PCSK5: variants seen among roughly 807,000 people sequenced by gnomAD.
PCSK5 encodes proprotein convertase subtilisin/kexin type 5.
PCSK5 carries 129 observed loss-of-function variants against 233.2 expected under a neutral mutation model. The observed-to-expected ratio is 0.55, with a 90% confidence interval of 0.48 to 0.64. The LOEUF (loss-of-function observed/expected upper bound fraction) is 0.64, where lower values mean the gene tolerates loss of function less well. Ranked by LOEUF, PCSK5 falls within the 30% of genes least tolerant of loss-of-function variation. The probability of loss-of-function intolerance (pLI) is 0.00; values close to 1 mark genes in which losing one functional copy is unlikely to be tolerated. For missense variants in PCSK5, 2,076 were observed against 2,430.1 expected, an observed-to-expected ratio of 0.85 and a Z score of 3.06; for synonymous variants, 825 against 879.2, an observed-to-expected ratio of 0.94 and a Z score of 1.09.
At chr9:75,933,125 C>T (rs1253370081) in intron 2 of PCSK5, among the ~76,000 whole-genome samples, 1 of 152,042 alleles carries the variant, frequency 6.6e-6, no homozygotes, top group Non-Finnish European at 1.5e-5. Context: ...TAGGTTCTCC[C>T]GTTTTAGAGA....
rs143606869 is a variant in PCSK5 at position 76,259,811 on chromosome 9, A to G, written c.3142+19127A>G. On this transcript the variant is annotated intron_variant, in intron 24 of 37. Coordinates refer to ENST00000674117, the MANE Select transcript of PCSK5 (RefSeq NM_001372043.1). ...CCCTTGTGGAGCATGGAAGAGCCATACTTCAGTCTCAGGGCTCACCTCAGG... is the reference window on the plus strand; with the variant it reads ...CCCTTGTGGAGCATGGAAGAGCCATGCTTCAGTCTCAGGGCTCACCTCAGG... 6.7e-3 allele frequency among the ~76,000 whole-genome samples: 1,013 copies of G among 152,134 alleles called. 6 individuals are homozygous for G. The highest frequency in any genetic ancestry group is 9.4e-3 in the Non-Finnish European group (642 of 67,988).
chr9:76,223,155 A>G (rs1825784361), intron 20 of PCSK5, among the ~76,000 whole-genome samples: 1 of 152,232 alleles, frequency 6.6e-6, no homozygotes, highest in Admixed American at 6.5e-5. Flanking sequence ...CATCTTGCTA[A>G]AAAGTTTTTA....
rs775508326 is a variant in PCSK5 at position 76,181,382 on chromosome 9, T to C, written c.2004-16T>C. 6.2e-7 allele frequency: 1 copy of C among 1,605,102 alleles called. No individual in the cohort carries two copies. The highest frequency in any genetic ancestry group is 1.1e-5 in the South Asian group (1 of 89,926). On this transcript the variant is annotated splice_polypyrimidine_tract_variant and intron_variant, in intron 15 of 37. Transcript: ENST00000674117. ...GCTCATGACGCTGCCTTCTTTCTTA[T>C]TGTTTCACAATGCAGGATCTGTGTC... is the stretch of plus-strand genomic sequence containing the variant.
intron 2 of PCSK5, among the ~76,000 whole-genome samples, chr9:75,957,828 T>C (rs548825041): frequency 1.3e-5 from 2 of 152,340 alleles, no homozygotes; most frequent in African/African-American, 2.4e-5. Flanking sequence ...TTTGGAACAA[T>C]GATGAAGGTA....
rs147273869 is a variant in PCSK5 at position 76,302,822 on chromosome 9, C to T, written c.3604+605C>T. Among the ~76,000 whole-genome samples the T allele has an allele frequency of 2.6e-4, 40 of 152,190 alleles. No individual in the cohort carries two copies. In the East Asian group the frequency reaches 7.7e-3, roughly 29 times the overall value. On this transcript the variant is annotated intron_variant, in intron 28 of 37. Coordinates refer to ENST00000674117, the MANE Select transcript of PCSK5 (RefSeq NM_001372043.1). ...GGGAGAGAGACATCACAGTACATGC[C>T]TTTTCTCCATTTTGCACCATGAGTG...
At chr9:76,199,570 AGAG>A (rs1824837122) in intron 20 of PCSK5, among the ~76,000 whole-genome samples, 1 of 152,134 alleles carries the variant, frequency 6.6e-6, no homozygotes, top group South Asian at 2.1e-4. Flanking sequence ...GGAACAGAAA[AGAG>A]GAGAGAGAGA....
intron 5 of PCSK5, among the ~76,000 whole-genome samples, chr9:76,046,559 C>CTTTTTTTTTTTTTT (rs553542037): frequency 1.9e-5 from 2 of 104,806 alleles, no homozygotes; most frequent in Non-Finnish European, 3.9e-5. Flanking sequence ...CTTTCTTTTT[C>CTTTTTTTTTTTTTT]TTTTTTTTTT....
chr9:76,282,232 C>T (rs1250048372), intron 24 of PCSK5, among the ~76,000 whole-genome samples: 1 of 148,022 alleles, frequency 6.8e-6, no homozygotes, highest in Non-Finnish European at 1.5e-5. Flanking sequence ...ATCCTCCCAC[C>T]TCATCCTCCT....
intron 24 of PCSK5, among the ~76,000 whole-genome samples, chr9:76,242,821 A>G (rs1288785272): frequency 1.3e-5 from 2 of 152,192 alleles, no homozygotes; most frequent in African/African-American, 4.8e-5. Context: ...GTGTAATCTA[A>G]AATCTGAGGT....
chr9:76,095,793 A>G, intron 7 of PCSK5, 97 bp from the exon 8 acceptor site: 2 of 1,030,006 alleles, frequency 1.9e-6, no homozygotes, highest in Non-Finnish European at 3.0e-6. Flanking sequence ...ATAGCAACAC[A>G]CCCCACCTGC....
intron 24 of PCSK5, among the ~76,000 whole-genome samples, chr9:76,266,651 T>A (rs1268411936): frequency 6.6e-6 from 1 of 152,196 alleles, no homozygotes; most frequent in Admixed American, 6.5e-5. Flanking sequence ...CTAAAATGGA[T>A]CAATGCTTTG....
intron 3 of PCSK5, among the ~76,000 whole-genome samples, chr9:75,993,260 G>A (rs1016463778): frequency 2.6e-5 from 4 of 152,032 alleles, no homozygotes; most frequent in African/African-American, 9.7e-5. Context: ...AGATGCCAGT[G>A]AGGCAGTAAA....
intron 20 of PCSK5, among the ~76,000 whole-genome samples, chr9:76,202,996 A>G (rs1174520012): frequency 6.6e-6 from 1 of 152,166 alleles, no homozygotes; most frequent in Admixed American, 6.5e-5. Context: ...AAATTGAGCA[A>G]ATGACAGGAA....
chr9:76,068,859 G>C (rs2131597488), intron 6 of PCSK5, among the ~76,000 whole-genome samples: 1 of 152,168 alleles, frequency 6.6e-6, no homozygotes, highest in Non-Finnish European at 1.5e-5. Flanking sequence ...TGAAGCTCCT[G>C]GAACCAGATT....
At chr9:76,055,046 T>C (rs1829771949) in intron 5 of PCSK5, among the ~76,000 whole-genome samples, 1 of 152,208 alleles carries the variant, frequency 6.6e-6, no homozygotes, top group Non-Finnish European at 1.5e-5. Flanking sequence ...GAGCAGTTGA[T>C]GAATGCTTTT....
intron 2 of PCSK5, among the ~76,000 whole-genome samples, chr9:75,945,371 ACT>A (rs1300313921): frequency 1.3e-5 from 2 of 151,784 alleles, no homozygotes; most frequent in Non-Finnish European, 2.9e-5. Context: ...GTTTCTCCTC[ACT>A]GAGTCATCAA....
intron 2 of PCSK5, among the ~76,000 whole-genome samples, chr9:75,984,279 TA>T (rs1826405842): frequency 6.6e-6 from 1 of 152,224 alleles, no homozygotes. Context: ...AGTGTCCTTC[TA>T]AGGAACTGTT....
chr9:76,278,637 A>G (rs7851773), intron 24 of PCSK5, among the ~76,000 whole-genome samples: 1,703 of 152,228 alleles, frequency 0.011, 34 homozygotes, highest in African/African-American at 0.039. Context: ...TAATATTAAT[A>G]TTTTAGCTTT....
At chr9:75,963,461 A>G (rs1825442257) in intron 2 of PCSK5, among the ~76,000 whole-genome samples, 2 of 152,244 alleles carry the variant, frequency 1.3e-5, no homozygotes, top group Non-Finnish European at 2.9e-5. Context: ...TGCCACATAC[A>G]GCCTCTTGAC....
Sources: allele counts gnomAD v4.1 joint callset (sites outside exome capture counted in the v4.1 genomes callset), GRCh38; gene constraint gnomAD v4.1.1; transcripts MANE v1.5; gene names NCBI Gene and HGNC (gene_info 2026-07-23, HGNC 2026-07-21).